The following ZNF791 variants were observed in gnomAD, a reference collection of about 807,000 sequenced individuals.
ZNF791 encodes the protein zinc finger protein 791.
A neutral mutation model predicts 11.5 loss-of-function variants in ZNF791; 4 were observed. The ratio of observed to expected loss-of-function variants is 0.35; its 90% CI spans 0.17 to 0.80. The LOEUF is 0.80. Among genes scored for constraint, ZNF791 ranks in the 30% least tolerant of loss-of-function variants. The pLI, the probability that ZNF791 is intolerant of heterozygous loss-of-function variation, is 0.53. For synonymous variants in ZNF791, 212 were observed against 228.1 expected, an observed-to-expected ratio of 0.93 and a Z score of 0.64; for missense variants, 559 against 699.4, an observed-to-expected ratio of 0.80 and a Z score of 2.26.
At chr19:12,613,474 T>G (rs1023143675) in intron 1 of ZNF791, among the ~76,000 whole-genome samples, 4 of 151,892 alleles carry the variant, frequency 2.6e-5, no homozygotes, top group Non-Finnish European at 5.9e-5. Flanking sequence ...CCAGCTACTC[T>G]GGAGGCTGAG....
intron 1 of ZNF791, 111 bp from the exon 2 acceptor site, chr19:12,623,589 A>G: frequency 7.4e-7 from 1 of 1,349,780 alleles, no homozygotes; most frequent in South Asian, 1.3e-5. Flanking sequence ...CAATTGAGTC[A>G]TGCACTAAAT....
At chr19:12,617,596 G>A (rs879561772) in intron 1 of ZNF791, among the ~76,000 whole-genome samples, 13 of 151,938 alleles carry the variant, frequency 8.6e-5, no homozygotes, top group Admixed American at 3.3e-4. Context: ...AATTGTTAAG[G>A]TGTGTTTTTG....
intron 1 of ZNF791, among the ~76,000 whole-genome samples, chr19:12,619,139 C>G (rs141532361): frequency 6.6e-6 from 1 of 152,100 alleles, no homozygotes; most frequent in Non-Finnish European, 1.5e-5. Context: ...GCCACCACGC[C>G]TGGCCACCTC....
rs1214862909 is a variant in ZNF791, at chr19:12,632,663, T to C, written c.*3403T>C. 1.3e-5 allele frequency: 2 copies of C among 152,060 alleles called. No individual in the cohort carries two copies. The highest frequency in any genetic ancestry group is 2.9e-5 in the Non-Finnish European group (2 of 68,068). The allele number at this position is 152,060 out of a possible 1,614,324, so 9.4% of individuals were successfully genotyped here. A position where few individuals can be genotyped will look rare whatever the true frequency, so the allele number is the denominator to read the frequency against. On this transcript the variant is annotated 3_prime_UTR_variant, in exon 4 of 4. Transcript: ENST00000343325. ...TGGGCATGTTGGAGGGCACCTGTAATCTCAGCTACTTGGGAGGCTGAGGCA... is the reference window on the plus strand; with the variant it reads ...TGGGCATGTTGGAGGGCACCTGTAACCTCAGCTACTTGGGAGGCTGAGGCA...
At chr19:12,624,012 T>A (rs1334312727) in intron 2 of ZNF791, among the ~76,000 whole-genome samples, 186 bp downstream of exon 2, 1 of 151,142 alleles carries the variant, frequency 6.6e-6, no homozygotes, top group Non-Finnish European at 1.5e-5. Context: ...CGTGCCACCA[T>A]GCCTGGCTAA....
chr19:12,622,401 CTG>C lies in ZNF791; in HGVS notation c.4-1297_4-1296del, dbSNP rs1329750142. 1.0e-4 allele frequency among the ~76,000 whole-genome samples: 10 copies of C among 95,904 alleles called. No homozygotes were observed. In the Admixed American group the frequency reaches 1.1e-3, roughly 10 times the overall value. 62.9% of individuals were successfully genotyped at this position (95,904 alleles called of 152,430 possible). On this transcript the variant is annotated intron_variant, in intron 1 of 3. Transcript: ENST00000343325. ...AATAAAAAAAATAATAAAAAAAAGA[CTG>C]TCTCAAACAAAAAAAAAAAAAAAAA...
Position 12,628,323 on chromosome 19 carries a change from C to T in ZNF791, c.794C>T (p.Thr265Ile). 6.2e-7 allele frequency: 1 copy of T among 1,612,904 alleles called. No homozygotes were observed. The highest frequency in any genetic ancestry group is 2.2e-5 in the East Asian group (1 of 44,782). ...SHTSVLTHMITHNGDRPYKCK... is the reference protein window; with the variant it reads ...SHTSVLTHMIIHNGDRPYKCK... ...ACAAGTGTTCTAACACACATGATAACACACAACGGAGATAGACCTTATAAA... is the reference window on the plus strand; with the variant it reads ...ACAAGTGTTCTAACACACATGATAATACACAACGGAGATAGACCTTATAAA... The change falls in exon 4 of 4, where the codon ACA becomes ATA. Residue 265 changes from threonine (T) to isoleucine (I), a missense_variant. Coordinates refer to ENST00000343325, the MANE Select transcript of ZNF791 (RefSeq NM_153358.3).
chr19:12,626,536 G>A (rs1009595461), intron 3 of ZNF791, among the ~76,000 whole-genome samples: 9 of 152,012 alleles, frequency 5.9e-5, no homozygotes, highest in African/African-American at 1.9e-4. Context: ...CACCCACCTC[G>A]GCCTCCCAAA....
intron 1 of ZNF791, among the ~76,000 whole-genome samples, chr19:12,620,070 C>A (rs1599323083): frequency 6.6e-6 from 1 of 151,896 alleles, no homozygotes; most frequent in East Asian, 1.9e-4. Context: ...ACTACAGGCG[C>A]CCGCCACGGC....
chr19:12,628,510 C>T lies in ZNF791; in HGVS notation c.981C>T (p.Pro327=). ...AAAGAATTCATACTGGAGAGAAGCC[C>T]TATAAATGTAAAGAATGTGGGAAAT... ...IHERIHTGEK[P]YKCKECGKSF... is the part of the protein sequence containing the mutation. Residue 327 remains proline (P), a synonymous_variant, in exon 4 of 4, where the codon CCC becomes CCT. Coordinates refer to ENST00000343325, the MANE Select transcript of ZNF791 (RefSeq NM_153358.3). 1 of 1,610,388 alleles carries T rather than the reference C, an allele frequency of 6.2e-7. No individual in the cohort carries two copies. The highest frequency in any genetic ancestry group is 1.1e-5 in the South Asian group (1 of 90,344).
intron 1 of ZNF791, among the ~76,000 whole-genome samples, chr19:12,622,386 AT>A (rs74180089): frequency 0.55 from 67,712 of 123,350 alleles, 20,102 homozygotes; most frequent in Non-Finnish European, 0.66. Context: ...AATAAAAAAA[AT>A]AATAAAAAAA....
At chr19:12,620,032 T>G (rs2023314204) in intron 1 of ZNF791, among the ~76,000 whole-genome samples, 1 of 151,858 alleles carries the variant, frequency 6.6e-6, no homozygotes, top group Non-Finnish European at 1.5e-5. Flanking sequence ...CCCGCCATTC[T>G]CCTGCCTCAG....
intron 3 of ZNF791, 67 bp from the exon 4 acceptor site, chr19:12,627,654 C>T: frequency 7.3e-7 from 1 of 1,366,822 alleles, no homozygotes; most frequent in Non-Finnish European, 1.0e-6. Flanking sequence ...TTTAGTTCTA[C>T]TACCCGATAA....
chr19:12,612,022 G>A (rs1407344530), intron 1 of ZNF791, among the ~76,000 whole-genome samples: 1 of 152,094 alleles, frequency 6.6e-6, no homozygotes, highest in Non-Finnish European at 1.5e-5. Flanking sequence ...TATTACATTT[G>A]TTAAAAATTC....
chr19:12,612,410 C>CTTTATTTATTTATTTA (rs146081313), intron 1 of ZNF791: 3 of 143,960 alleles, frequency 2.1e-5, no homozygotes, highest in African/African-American at 7.6e-5. Context: ...TGCTTCCTTC[C>CTTTATTTATTTATTTA]TTTATTTATT....
intron 1 of ZNF791, chr19:12,612,331 T>G (rs4804725): frequency 0.57 from 89,193 of 156,088 alleles, 26,749 homozygotes; most frequent in Non-Finnish European, 0.67. Context: ...GAGCTACTAT[T>G]ACCGGCCCAA....
rs766811404 is a variant in ZNF791, at chr19:12,628,128, C to G, written c.599C>G (p.Ser200Cys). The part of the protein sequence containing the change: ...CKQCGKALSC[S>C]SSLRVHERIH... ...CAATGTGGAAAAGCTCTTAGTTGTT[C>G]CAGTTCGCTTCGAGTTCATGAAAGG... Residue 200 changes from serine to cysteine, a missense_variant, in exon 4 of 4, where the codon TCC (serine) becomes TGC (cysteine). Coordinates refer to ENST00000343325, the MANE Select transcript of ZNF791 (RefSeq NM_153358.3). The G allele has an allele frequency of 1.2e-6, 2 of 1,613,994 alleles. No individual in the cohort carries two copies. The highest frequency in any genetic ancestry group is 8.5e-7 in the Non-Finnish European group (1 of 1,180,038).
intron 1 of ZNF791, among the ~76,000 whole-genome samples, chr19:12,611,735 T>C (rs2145175040): frequency 6.6e-6 from 1 of 152,322 alleles, no homozygotes; most frequent in South Asian, 2.1e-4. Flanking sequence ...GCTGTGGCCC[T>C]CATCCTGGTA....
At chr19:12,613,480 C>G (rs1005555908) in intron 1 of ZNF791, among the ~76,000 whole-genome samples, 1 of 152,062 alleles carries the variant, frequency 6.6e-6, no homozygotes, top group Admixed American at 6.5e-5. Flanking sequence ...ACTCTGGAGG[C>G]TGAGGCAGGA....
Sources: gnomAD v4.1 joint callset for allele counts (sites outside exome capture counted in the v4.1 genomes callset) on GRCh38, gnomAD v4.1.1 for gene constraint, MANE v1.5 for transcripts, NCBI Gene and HGNC (gene_info 2026-07-23, HGNC 2026-07-21) for gene names.